Variants in SORCS1 observed in about 807,000 individuals in gnomAD.
SORCS1 encodes the protein sortilin related VPS10 domain containing receptor 1, also known as VPS10 domain-containing receptor SorCS1.
A neutral mutation model predicts 146.1 loss-of-function variants in SORCS1; 60 were observed. The ratio of observed to expected loss-of-function variants is 0.41; its 90% confidence interval spans 0.33 to 0.51. SORCS1 has a LOEUF of 0.51. Among genes scored for constraint, SORCS1 ranks in the 20% least tolerant of loss-of-function variants. The pLI is 0.21. For synonymous variants in SORCS1, 637 were observed against 584.0 expected, an observed-to-expected ratio of 1.09 and a Z score of -1.31; for missense variants, 1,352 against 1,487.6, an observed-to-expected ratio of 0.91 and a Z score of 1.50.
At position 106,876,644 on chromosome 10, in the gene SORCS1, G is replaced by C. The variant is rs539068360; in HGVS notation, c.627-46971C>G. ...GAATGACGGACAGGATGCCCAAGTG[G>C]TCTGGCATCAGAGTCCATGAGCCTA... is the stretch of plus-strand genomic sequence containing the variant. On this transcript the variant is annotated intron_variant, in intron 2 of 25. Transcript: ENST00000263054. Among the ~76,000 whole-genome samples the C allele has an allele frequency of 2.0e-5, 3 of 152,296 alleles. No homozygotes were observed. In the East Asian group the frequency reaches 5.8e-4, roughly 29 times the overall value.
intron 1 of SORCS1, among the ~76,000 whole-genome samples, chr10:106,964,241 T>C (rs535661354): frequency 1.3e-5 from 2 of 152,324 alleles, no homozygotes; most frequent in South Asian, 2.1e-4. Flanking sequence ...ATTAGGCTGG[T>C]AGTGTGCTCT....
chr10:106,975,628 T>C (rs1955959523), intron 1 of SORCS1, among the ~76,000 whole-genome samples: 2 of 152,230 alleles, frequency 1.3e-5, no homozygotes, highest in East Asian at 3.8e-4. Context: ...ATTGTCACTC[T>C]CCTCTTCAGA....
chr10:106,830,780 G>A (rs1010756618), intron 2 of SORCS1, among the ~76,000 whole-genome samples: 4 of 151,692 alleles, frequency 2.6e-5, no homozygotes, highest in Non-Finnish European at 4.4e-5. Flanking sequence ...CCTGTAGTCC[G>A]AGCTACTTGG....
chr10:106,670,832 T>C (rs913318599), intron 16 of SORCS1, among the ~76,000 whole-genome samples: 1 of 151,986 alleles, frequency 6.6e-6, no homozygotes, highest in Non-Finnish European at 1.5e-5. Context: ...CAGCTGGGAT[T>C]ACAGGTGTCC....
intron 1 of SORCS1, among the ~76,000 whole-genome samples, chr10:106,997,270 G>A (rs1164549429): frequency 6.6e-6 from 1 of 152,148 alleles, no homozygotes; most frequent in East Asian, 1.9e-4. Flanking sequence ...CCTGTCCCCT[G>A]AGCCACACTC....
intron 1 of SORCS1, among the ~76,000 whole-genome samples, chr10:107,146,673 T>C (rs7900609): frequency 0.027 from 4,067 of 152,222 alleles, 180 homozygotes; most frequent in African/African-American, 0.092. Flanking sequence ...TAGAATATAG[T>C]GGTTAAGAGC....
intron 1 of SORCS1, among the ~76,000 whole-genome samples, chr10:107,058,725 C>T (rs771247945): frequency 1.3e-5 from 2 of 152,106 alleles, no homozygotes; most frequent in African/African-American, 2.4e-5. Flanking sequence ...CTGTGCCTGT[C>T]ACATGGAATC....
intron 2 of SORCS1, among the ~76,000 whole-genome samples, chr10:106,851,513 A>G (rs984928434): frequency 7.2e-5 from 11 of 152,280 alleles, no homozygotes; most frequent in Middle Eastern, 3.4e-3. Flanking sequence ...AGCTGACTAT[A>G]TTTATATTGT....
intron 2 of SORCS1, among the ~76,000 whole-genome samples, chr10:106,855,085 G>A (rs891720834): frequency 2.0e-5 from 3 of 151,976 alleles, no homozygotes; most frequent in Non-Finnish European, 2.9e-5. Context: ...ACTTTTGTCC[G>A]TCTGAGAAAA....
chr10:106,579,526 G>C, intron 24 of SORCS1, 52 bp from the exon 25 acceptor site: 1 of 1,568,780 alleles, frequency 6.4e-7, no homozygotes. Context: ...GGGCAGGTGA[G>C]ACTCTATGAG....
At chr10:106,998,343 C>T (rs1564906822) in intron 1 of SORCS1, among the ~76,000 whole-genome samples, 2 of 152,308 alleles carry the variant, frequency 1.3e-5, no homozygotes, top group East Asian at 1.9e-4. Flanking sequence ...GGGTCATTCA[C>T]GATGGCCTTT....
intron 2 of SORCS1, among the ~76,000 whole-genome samples, chr10:106,831,103 GAACTGATTA>G: frequency 6.6e-6 from 1 of 152,140 alleles, no homozygotes; most frequent in South Asian, 2.1e-4. Context: ...CAAGGCAGGA[GAACTGATTA>G]AACCCGGGAG....
chr10:106,578,583 T>A (rs1433797692), intron 25 of SORCS1: 10 of 849,622 alleles, frequency 1.2e-5, no homozygotes, highest in East Asian at 2.7e-4. Context: ...AAAAAAAAAA[T>A]TCCCTGGAGG....
At chr10:106,745,779 C>T (rs1019346094) in intron 5 of SORCS1, among the ~76,000 whole-genome samples, 5 of 151,962 alleles carry the variant, frequency 3.3e-5, no homozygotes, top group South Asian at 4.1e-4. Flanking sequence ...AAATAGAGTA[C>T]GGGACAAGAA....
chr10:106,814,255 C>T lies in SORCS1; in HGVS notation c.726+15319G>A, dbSNP rs371501845. Among the ~76,000 whole-genome samples, 7 of 152,156 alleles carry T rather than the reference C, an allele frequency of 4.6e-5. No homozygotes were observed. In the East Asian group the frequency reaches 1.3e-3, roughly 29 times the overall value. On this transcript the variant is annotated intron_variant, in intron 3 of 25. Transcript: ENST00000263054. ...ACTTAAAAATATGACATATGGTTTG[C>T]CTTTACATTTTCTCTGTGCTTTGTA...
chr10:106,661,878 T>C (rs1428239264), intron 17 of SORCS1, among the ~76,000 whole-genome samples: 1 of 152,262 alleles, frequency 6.6e-6, no homozygotes, highest in Non-Finnish European at 1.5e-5. Flanking sequence ...GCTTTCCACC[T>C]TCATGTCAAA....
chr10:106,750,533 T>C (rs1589800301), intron 5 of SORCS1, among the ~76,000 whole-genome samples: 1 of 141,844 alleles, frequency 7.1e-6, no homozygotes, highest in Non-Finnish European at 1.5e-5. Flanking sequence ...ATCGAGACGA[T>C]CCTGGCTAAC....
chr10:106,742,172 C>A (rs535579911), intron 5 of SORCS1, among the ~76,000 whole-genome samples: 1 of 152,244 alleles, frequency 6.6e-6, no homozygotes, highest in East Asian at 1.9e-4. Flanking sequence ...TCCTGGGGTG[C>A]GAAATGGCAA....
At chr10:106,610,894 C>T (rs1202267415) in intron 22 of SORCS1, among the ~76,000 whole-genome samples, 1 of 152,132 alleles carries the variant, frequency 6.6e-6, no homozygotes, top group African/African-American at 2.4e-5. Context: ...GCCTGGCCAA[C>T]ATGGTGACAC....
Sources: gnomAD v4.1 joint callset for allele counts (sites outside exome capture counted in the v4.1 genomes callset) on GRCh38, gnomAD v4.1.1 for gene constraint, MANE v1.5 for transcripts, NCBI Gene and HGNC (gene_info 2026-07-23, HGNC 2026-07-21) for gene names.